Variants in INSL6 observed in about 807,000 individuals in gnomAD.
The protein encoded by INSL6 is insulin-like peptide INSL6.
Under a neutral mutation model 9.4 loss-of-function variants are expected in INSL6, and 16 were observed. That is an observed-to-expected ratio of 1.70 (90% CI 1.15 to 2.59). The LOEUF (loss-of-function observed/expected upper bound fraction) is 2.59, where lower values mean the gene tolerates loss of function less well. INSL6 is among the 30% of genes most tolerant of loss of function. The probability of loss-of-function intolerance (pLI) is 0.00; values close to 1 mark genes in which losing one functional copy is unlikely to be tolerated. For missense variants in INSL6, 391 were observed against 257.3 expected (o/e 1.52, Z -3.56); for synonymous variants, 154 against 96.9 (o/e 1.59, Z -3.46).
chr9:5,060,885 G>C, the INSL6 span, among the ~76,000 whole-genome samples: 41 of 152,282 alleles, frequency 2.7e-4, no homozygotes, highest in African/African-American at 9.6e-4. Context: ...TAGATAATAA[G>C]ACTTGAAAGT....
At chr9:5,084,995 T>G in the INSL6 span, 1 of 844,810 alleles carries the variant, frequency 1.2e-6, no homozygotes, top group Admixed American at 1.8e-5. Flanking sequence ...GAAAGAGTTG[T>G]CATTTATGTC....
chr9:5,118,825 A>C, the INSL6 span, among the ~76,000 whole-genome samples: 3 of 152,174 alleles, frequency 2.0e-5, no homozygotes, highest in African/African-American at 7.2e-5. Context: ...ATTTGATCAG[A>C]TCCATTATGT....
the INSL6 span, among the ~76,000 whole-genome samples, chr9:5,055,179 T>C: frequency 4.6e-5 from 7 of 152,060 alleles, no homozygotes. Context: ...CTACTAGTGA[T>C]AACAGAAGGC....
chr9:5,088,031 C>G, the INSL6 span, among the ~76,000 whole-genome samples: 25 of 152,264 alleles, frequency 1.6e-4, no homozygotes, highest in Middle Eastern at 3.4e-3. Flanking sequence ...GAAGATAAAA[C>G]TTATTTCCTA....
chr9:5,040,799 C>T, the INSL6 span: 1 of 201,644 alleles, frequency 5.0e-6, no homozygotes, highest in South Asian at 6.4e-5. Flanking sequence ...CTGGCCCAGG[C>T]GGTGCAGGAG....
At chr9:5,172,157 T>A (rs1825196789) in intron 1 of INSL6, among the ~76,000 whole-genome samples, 1 of 152,126 alleles carries the variant, frequency 6.6e-6, no homozygotes, top group South Asian at 2.1e-4. Context: ...CAATAGAATT[T>A]CTGTTCCAGA....
chr9:5,066,621 G>T, the INSL6 span: 9 of 929,546 alleles, frequency 9.7e-6, no homozygotes, highest in Admixed American at 1.8e-5. Context: ...GATGACACTT[G>T]GTCATAATAT....
At chr9:5,056,196 T>C in the INSL6 span, among the ~76,000 whole-genome samples, 9 of 152,132 alleles carry the variant, frequency 5.9e-5, no homozygotes, top group Non-Finnish European at 1.2e-4. Context: ...GGAATTTATA[T>C]AACAAAATGT....
chr9:5,073,762 G>T, the INSL6 span: 1 of 1,610,714 alleles, frequency 6.2e-7, no homozygotes, highest in South Asian at 1.1e-5. Flanking sequence ...TTAAATTATG[G>T]AGTATGTGTC....
At chr9:5,100,702 GA>G in the INSL6 span, 1 of 152,188 alleles carries the variant, frequency 6.6e-6, no homozygotes, top group African/African-American at 2.4e-5. Flanking sequence ...GAAGGAAATC[GA>G]AAGCAAATAA....
the INSL6 span, among the ~76,000 whole-genome samples, chr9:5,103,020 A>G: frequency 6.6e-6 from 1 of 152,042 alleles, no homozygotes; most frequent in African/African-American, 2.4e-5. Flanking sequence ...CATCATAATA[A>G]CAGGTTCAAA....
At chr9:5,184,090 T>C (rs925907747) in intron 1 of INSL6, among the ~76,000 whole-genome samples, 9 of 152,234 alleles carry the variant, frequency 5.9e-5, no homozygotes, top group Non-Finnish European at 1.0e-4. Flanking sequence ...ATCAGTCTCA[T>C]GGTTTCTGTC....
At chr9:5,180,142 A>C (rs2130921469) in intron 1 of INSL6, among the ~76,000 whole-genome samples, 1 of 152,322 alleles carries the variant, frequency 6.6e-6, no homozygotes, top group South Asian at 2.1e-4. Context: ...TTTAATATGG[A>C]CATTTATCAG....
chr9:5,041,149 C>T, the INSL6 span: 2 of 1,118,726 alleles, frequency 1.8e-6, no homozygotes, highest in Non-Finnish European at 2.6e-6. Context: ...TCCGGCTGAT[C>T]ACGCGCATGG....
intron 3 of INSL6, chr9:5,126,246 A>T: frequency 4.6e-6 from 4 of 873,082 alleles, no homozygotes; most frequent in Non-Finnish European, 5.4e-6. Flanking sequence ...CATATACTAA[A>T]TTTTTTCCCA....
chr9:5,104,735 G>A, the INSL6 span, among the ~76,000 whole-genome samples: 5 of 152,306 alleles, frequency 3.3e-5, no homozygotes, highest in African/African-American at 1.2e-4. Flanking sequence ...TCATCCCTAG[G>A]ATGCAAGGCT....
intron 3 of INSL6, among the ~76,000 whole-genome samples, chr9:5,131,650 G>C (rs1175453653): frequency 6.6e-6 from 1 of 151,974 alleles, no homozygotes; most frequent in African/African-American, 2.4e-5. Flanking sequence ...GTGTTGGTCA[G>C]TCTGGTCTTG....
At chr9:5,009,905 G>A in the INSL6 span, among the ~76,000 whole-genome samples, 12,818 of 152,054 alleles carry the variant, frequency 0.084, 1,579 homozygotes, top group African/African-American at 0.28. Context: ...CAAGTAGCTA[G>A]TACTACAGGT....
intron 3 of INSL6, among the ~76,000 whole-genome samples, chr9:5,129,624 G>A (rs889358809): frequency 1.3e-5 from 2 of 152,052 alleles, no homozygotes; most frequent in African/African-American, 2.4e-5. Context: ...AGATAAGCTT[G>A]ATTTAAGAAA....
Sources: gnomAD v4.1 joint callset for allele counts (sites outside exome capture counted in the v4.1 genomes callset) on GRCh38, gnomAD v4.1.1 for gene constraint, MANE v1.5 for transcripts, NCBI Gene and HGNC (gene_info 2026-07-23, HGNC 2026-07-21) for gene names.